The following PTPRC variants were observed in gnomAD, a reference collection of about 807,000 sequenced individuals.
The protein encoded by PTPRC is receptor-type tyrosine-protein phosphatase C.
In PTPRC, 44 loss-of-function variants were observed where a neutral mutation model predicts 155.9. The observed-to-expected ratio is 0.28, with a 90% CI of 0.22 to 0.36. The LOEUF (loss-of-function observed/expected upper bound fraction) is 0.36, where lower values mean the gene tolerates loss of function less well. Among genes scored for constraint, PTPRC ranks in the 10% least tolerant of loss-of-function variants. The probability of loss-of-function intolerance (pLI) is 1.00; values close to 1 mark genes in which losing one functional copy is unlikely to be tolerated. For synonymous variants in PTPRC, 525 were observed against 533.1 expected (o/e 0.98, Z 0.21); for missense variants, 1,401 against 1,564.6 (o/e 0.90, Z 1.76).
chr1:198,670,746 T>G (rs1166370514), intron 2 of PTPRC, among the ~76,000 whole-genome samples: 1 of 152,214 alleles, frequency 6.6e-6, no homozygotes, highest in Non-Finnish European at 1.5e-5. Flanking sequence ...GTGTGAATAT[T>G]TAAAATCTGT....
intron 12 of PTPRC, among the ~76,000 whole-genome samples, chr1:198,713,925 T>C (rs985763103): frequency 9.9e-5 from 15 of 152,258 alleles, no homozygotes; most frequent in Non-Finnish European, 1.9e-4. Context: ...TATATTTTAA[T>C]GGCCTTTTCT....
At chr1:198,724,175 C>T in intron 15 of PTPRC, among the ~76,000 whole-genome samples, 1 of 152,176 alleles carries the variant, frequency 6.6e-6, no homozygotes, top group East Asian at 1.9e-4. Flanking sequence ...ACATTGTATT[C>T]ACTCTCTGCT....
intron 2 of PTPRC, among the ~76,000 whole-genome samples, chr1:198,642,243 A>G (rs977144017): frequency 6.6e-6 from 1 of 152,022 alleles, no homozygotes; most frequent in Non-Finnish European, 1.5e-5. Flanking sequence ...GTGACAATTA[A>G]CCAGTATAGA....
At position 198,704,518 on chromosome 1, in the gene PTPRC, A is replaced by G. The variant is rs775823848; in HGVS notation, c.685+20A>G. On this transcript the variant is annotated intron_variant, in intron 8 of 32. Transcript: ENST00000442510. Reference sequence around the variant, plus strand: ...CATGTGGTAAGTTTATTTACTTAGAATCAGCATACCTCACTTTGGAATAGC... The same window carrying G: ...CATGTGGTAAGTTTATTTACTTAGAGTCAGCATACCTCACTTTGGAATAGC... The G allele has an allele frequency of 6.2e-7, 1 of 1,614,048 alleles. No homozygotes were observed. Among genetic ancestry groups the G allele is most frequent in the East Asian group, 2.2e-5 (1 of 44,832 alleles).
intron 2 of PTPRC, among the ~76,000 whole-genome samples, chr1:198,669,086 T>G (rs754634548): frequency 2.0e-5 from 3 of 152,214 alleles, no homozygotes; most frequent in Admixed American, 1.3e-4. Flanking sequence ...AGGATTGACT[T>G]CTTCGCAAAT....
chr1:198,664,270 A>G (rs1055400730), intron 2 of PTPRC, among the ~76,000 whole-genome samples: 1 of 152,172 alleles, frequency 6.6e-6, no homozygotes, highest in Admixed American at 6.6e-5. Flanking sequence ...AAAATGGGAA[A>G]ATATTTGTTT....
chr1:198,729,872 G>T (rs949376478), intron 17 of PTPRC, among the ~76,000 whole-genome samples: 3 of 152,090 alleles, frequency 2.0e-5, no homozygotes, highest in African/African-American at 7.2e-5. Flanking sequence ...AGATTGTGGG[G>T]AACCAATGGA....
intron 2 of PTPRC, among the ~76,000 whole-genome samples, chr1:198,656,712 A>G (rs1418855515): frequency 6.8e-6 from 1 of 146,524 alleles, no homozygotes; most frequent in African/African-American, 2.6e-5. Context: ...ACTGATCTGT[A>G]GTTTTACGAG....
chr1:198,663,150 A>C (rs1245427530), intron 2 of PTPRC, among the ~76,000 whole-genome samples: 2 of 152,196 alleles, frequency 1.3e-5, no homozygotes, highest in East Asian at 3.9e-4. Context: ...ACTGCAGGCA[A>C]GACTGAACTT....
chr1:198,738,887 A>T (rs1654771795), intron 23 of PTPRC, among the ~76,000 whole-genome samples: 1 of 151,802 alleles, frequency 6.6e-6, no homozygotes, highest in Non-Finnish European at 1.5e-5. Context: ...TTTTCAAGAC[A>T]TGGAGAGCAA....
Position 198,681,060 on chromosome 1 carries a change from G to A in PTPRC, c.74-11287G>A, listed in dbSNP as rs139196417. On this transcript the variant is annotated intron_variant, in intron 2 of 32. Coordinates refer to ENST00000442510, the MANE Select transcript of PTPRC (RefSeq NM_002838.5). ...ACAATGTATCAAATAGTAGGTATTCGGTAAATGTTCCTTCTTTACTAAAGA... is the reference window on the plus strand; with the variant it reads ...ACAATGTATCAAATAGTAGGTATTCAGTAAATGTTCCTTCTTTACTAAAGA... 1.1e-3 allele frequency among the ~76,000 whole-genome samples: 163 copies of A among 152,098 alleles called. 1 individual carries two copies. Among genetic ancestry groups the A allele is most frequent in the African/African-American group, 3.5e-3 (145 of 41,482 alleles).
intron 10 of PTPRC, 29 bp downstream of exon 10, chr1:198,708,290 T>G: frequency 6.3e-7 from 1 of 1,589,116 alleles, no homozygotes; most frequent in Non-Finnish European, 8.6e-7. Context: ...CCAGAGAATT[T>G]TTTTTTGTGG....
At chr1:198,670,588 A>G (rs1038688948) in intron 2 of PTPRC, among the ~76,000 whole-genome samples, 1 of 152,184 alleles carries the variant, frequency 6.6e-6, no homozygotes, top group Non-Finnish European at 1.5e-5. Context: ...ATATATTATC[A>G]TCGAAACACA....
Position 198,731,634 on chromosome 1 carries a change from A to C in PTPRC, c.1882A>C (p.Met628Leu), listed in dbSNP as rs760788576. 3.1e-6 allele frequency: 5 copies of C among 1,609,110 alleles called. No homozygotes were observed. The highest frequency in any genetic ancestry group is 3.3e-4 in the Middle Eastern group (2 of 6,034). The change falls in exon 18 of 33, where the codon ATG becomes CTG. Residue 628 changes from methionine to leucine, a missense_variant. By Grantham distance (15) the Met-to-Leu change is conservative. Coordinates refer to ENST00000442510, the MANE Select transcript of PTPRC (RefSeq NM_002838.5). ...LVERDDEKQL[M>L]NVEPIHADIL... is the part of the protein sequence containing the mutation. ...GTTTCCAGATGATGAAAAACAACTGATGAATGTGGAGCCAATCCATGCAGA... is the reference window on the plus strand; with the variant it reads ...GTTTCCAGATGATGAAAAACAACTGCTGAATGTGGAGCCAATCCATGCAGA...
intron 14 of PTPRC, 38 bp from the exon 15 acceptor site, chr1:198,722,378 G>C: frequency 1.8e-6 from 2 of 1,139,480 alleles, no homozygotes; most frequent in East Asian, 3.0e-5. Flanking sequence ...ATTCACATTA[G>C]CAAACTAATT....
At chr1:198,749,350 C>T in intron 27 of PTPRC, 66 bp from the exon 28 acceptor site, 1 of 1,476,822 alleles carries the variant, frequency 6.8e-7, no homozygotes, top group Non-Finnish European at 9.4e-7. Flanking sequence ...TTCAAATTTC[C>T]ACATGACAAT....
At chr1:198,751,187 A>G (rs890326596) in intron 29 of PTPRC, among the ~76,000 whole-genome samples, 2 of 152,034 alleles carry the variant, frequency 1.3e-5, no homozygotes, top group Admixed American at 1.3e-4. Flanking sequence ...TGAAAAATGT[A>G]TCTATATCAT....
At chr1:198,735,051 C>A in intron 22 of PTPRC, 76 bp from the exon 23 acceptor site, 1 of 1,313,618 alleles carries the variant, frequency 7.6e-7, no homozygotes, top group Non-Finnish European at 1.1e-6. Context: ...GTTTTGTTTT[C>A]ACTGTTTAAA....
At chr1:198,694,028 A>T in intron 3 of PTPRC, 2 of 1,548,604 alleles carry the variant, frequency 1.3e-6, no homozygotes, top group Non-Finnish European at 1.7e-6. Flanking sequence ...GCCATCTGCA[A>T]GCTGAGGAGC....
Sources: allele counts gnomAD v4.1 joint callset (sites outside exome capture counted in the v4.1 genomes callset), GRCh38; gene constraint gnomAD v4.1.1; transcripts MANE v1.5; gene names NCBI Gene and HGNC (gene_info 2026-07-23, HGNC 2026-07-21).